The following GMDS variants were observed in gnomAD, a reference collection of about 807,000 sequenced individuals.
GMDS encodes GDP-mannose 4,6-dehydratase.
Under a neutral mutation model 49.9 loss-of-function variants are expected in GMDS, and 20 were observed. That is an observed-to-expected ratio of 0.40 (90% CI 0.28 to 0.58). The LOEUF (loss-of-function observed/expected upper bound fraction) is 0.58. GMDS is among the 20% of genes least tolerant of loss of function. The pLI is 0.42. For synonymous variants in GMDS, 177 were observed against 178.6 expected (o/e 0.99, Z 0.07); for missense variants, 362 against 481.4 (o/e 0.75, Z 2.32).
chr6:1,753,950 A>G (rs1367894639), intron 7 of GMDS, among the ~76,000 whole-genome samples: 2 of 152,200 alleles, frequency 1.3e-5, no homozygotes, highest in African/African-American at 4.8e-5. Flanking sequence ...TAAAATCAAC[A>G]CCATAACATC....
intron 7 of GMDS, among the ~76,000 whole-genome samples, chr6:1,764,949 T>A (rs1768291870): frequency 6.6e-6 from 1 of 152,192 alleles, no homozygotes; most frequent in Non-Finnish European, 1.5e-5. Context: ...GAGCTGTCTT[T>A]TTTTCTGAGT....
intron 4 of GMDS, among the ~76,000 whole-genome samples, chr6:2,096,553 T>C (rs1236848146): frequency 2.6e-5 from 4 of 152,288 alleles, no homozygotes; most frequent in African/African-American, 9.6e-5. Flanking sequence ...TTAAGGAGCA[T>C]GACAAGCTAA....
At chr6:1,753,430 C>G (rs1467551929) in intron 7 of GMDS, among the ~76,000 whole-genome samples, 1 of 152,140 alleles carries the variant, frequency 6.6e-6, no homozygotes, top group Non-Finnish European at 1.5e-5. Flanking sequence ...TAGACTCCCA[C>G]ACAATAATAG....
chr6:2,226,611 A>G lies in GMDS; in HGVS notation c.102+18710T>C, dbSNP rs192620439. Among the ~76,000 whole-genome samples, 187 of 152,376 alleles carry G rather than the reference A, an allele frequency of 1.2e-3. 1 individual carries two copies. The highest frequency in any genetic ancestry group is 4.3e-4 in the Non-Finnish European group (29 of 68,036). On this transcript the variant is annotated intron_variant, in intron 1 of 10. Coordinates refer to ENST00000380815, the MANE Select transcript of GMDS (RefSeq NM_001500.4). ...ATGAGTATCTGGAAATGCAAACTTC[A>G]GCAAACATCACAGGAATTTTTTTAA...
chr6:2,114,972 CAAAA>C (rs1554166845), intron 4 of GMDS, among the ~76,000 whole-genome samples: 6 of 151,004 alleles, frequency 4.0e-5, no homozygotes, highest in Non-Finnish European at 7.4e-5. Flanking sequence ...AACAAACAAA[CAAAA>C]AAAAACCTCA....
intron 4 of GMDS, among the ~76,000 whole-genome samples, chr6:2,026,459 T>C (rs1383898134): frequency 6.6e-6 from 1 of 152,154 alleles, no homozygotes; most frequent in Non-Finnish European, 1.5e-5. Context: ...ACACGAGACA[T>C]AAAGAGAAGG....
chr6:1,790,805 G>A (rs192651285), intron 7 of GMDS, among the ~76,000 whole-genome samples: 21 of 152,330 alleles, frequency 1.4e-4, no homozygotes, highest in African/African-American at 5.1e-4. Flanking sequence ...AAGTTCTGCT[G>A]CTGCCTGCTT....
chr6:2,046,117 G>A (rs1031475305), intron 4 of GMDS, among the ~76,000 whole-genome samples: 11 of 152,176 alleles, frequency 7.2e-5, no homozygotes, highest in Non-Finnish European at 1.6e-4. Flanking sequence ...GGAGGCTGAG[G>A]TGGGAGGATC....
At chr6:2,115,112 T>C (rs1037983578) in intron 4 of GMDS, among the ~76,000 whole-genome samples, 5 of 152,190 alleles carry the variant, frequency 3.3e-5, no homozygotes, top group Admixed American at 6.5e-5. Context: ...TGGCTTCAGA[T>C]TTCACTTATT....
rs568784678 is a variant in GMDS, at chr6:2,134,492, A to G, written c.103-9761T>C. On this transcript the variant is annotated intron_variant, in intron 1 of 10. Transcript: ENST00000380815. ...CCACCACCCACATCTTGGTCTCAATAGCACCAAACTTTAAATTGCCAATCT... is the reference window on the plus strand; with the variant it reads ...CCACCACCCACATCTTGGTCTCAATGGCACCAAACTTTAAATTGCCAATCT... 1.6e-4 allele frequency among the ~76,000 whole-genome samples: 24 copies of G among 152,344 alleles called. No homozygotes were observed. The South Asian group carries it at 2.1e-3, about 13-fold the overall frequency.
At position 1,773,194 on chromosome 6, in the gene GMDS, C is replaced by CTT. The variant is rs535227437; in HGVS notation, c.772-30610_772-30609dup. 5.2e-3 allele frequency among the ~76,000 whole-genome samples: 741 copies of CTT among 143,494 alleles called. 7 individuals carry two copies. Among genetic ancestry groups the CTT allele is most frequent in the African/African-American group, 0.018 (694 of 39,164 alleles). 94.1% of individuals were successfully genotyped at this position (143,494 alleles called of 152,430 possible). Reference sequence around the variant, plus strand: ...AGTTAGAAAATGCACAGAGGGTCCTCTTTTTTTTTTTTTTTTAACTTTAAG... The same window carrying CTT: ...AGTTAGAAAATGCACAGAGGGTCCTCTTTTTTTTTTTTTTTTTTAACTTTAAG... On this transcript the variant is annotated intron_variant, in intron 7 of 10. Transcript: ENST00000380815.
chr6:1,914,137 T>G (rs915455785), intron 7 of GMDS, among the ~76,000 whole-genome samples: 7 of 123,498 alleles, frequency 5.7e-5, no homozygotes, highest in Non-Finnish European at 8.6e-5. Context: ...GTTTGTTTTT[T>G]TTTTTTTTTT....
At chr6:1,663,348 C>T (rs1764141855) in intron 9 of GMDS, among the ~76,000 whole-genome samples, 1 of 152,196 alleles carries the variant, frequency 6.6e-6, no homozygotes, top group African/African-American at 2.4e-5. Context: ...ACTGTGGGAC[C>T]TCCTTCACCA....
At chr6:1,988,323 G>A (rs1295151915) in intron 4 of GMDS, among the ~76,000 whole-genome samples, 1 of 149,294 alleles carries the variant, frequency 6.7e-6, no homozygotes, top group Non-Finnish European at 1.5e-5. Context: ...AAGCCTACGT[G>A]ATTCAGGCTG....
intron 7 of GMDS, among the ~76,000 whole-genome samples, chr6:1,923,317 C>G (rs756067629): frequency 2.0e-5 from 3 of 152,218 alleles, no homozygotes; most frequent in Non-Finnish European, 2.9e-5. Context: ...CACACTGGCC[C>G]TTTGCCTTCG....
intron 1 of GMDS, among the ~76,000 whole-genome samples, chr6:2,185,711 T>C (rs1279196565): frequency 6.6e-6 from 1 of 152,200 alleles, no homozygotes; most frequent in Admixed American, 6.5e-5. Flanking sequence ...ACTGCCACCC[T>C]AGGGCCAAGA....
intron 4 of GMDS, among the ~76,000 whole-genome samples, chr6:2,073,022 T>C (rs749582916): frequency 4.6e-5 from 7 of 152,260 alleles, no homozygotes; most frequent in East Asian, 1.9e-4. Context: ...GTCCCTTCCC[T>C]AGAAATACCA....
chr6:1,793,959 G>C (rs1769642505), intron 7 of GMDS, among the ~76,000 whole-genome samples: 2 of 152,198 alleles, frequency 1.3e-5, no homozygotes, highest in Non-Finnish European at 2.9e-5. Context: ...TGGAATGATG[G>C]AAAGGGCTTT....
intron 4 of GMDS, among the ~76,000 whole-genome samples, chr6:2,099,765 C>T (rs184723289): frequency 1.3e-5 from 2 of 152,136 alleles, no homozygotes; most frequent in Admixed American, 1.3e-4. Context: ...TGCAAGATAA[C>T]TTTATATAAA....
Sources: allele counts gnomAD v4.1 joint callset (sites outside exome capture counted in the v4.1 genomes callset), GRCh38; gene constraint gnomAD v4.1.1; transcripts MANE v1.5; gene names NCBI Gene and HGNC (gene_info 2026-07-23, HGNC 2026-07-21).